ADRA1B: variants seen among roughly 807,000 people sequenced by gnomAD.
ADRA1B encodes alpha-1B adrenergic receptor.
In ADRA1B, 17 loss-of-function variants were observed where a neutral mutation model predicts 17.9. The observed-to-expected ratio is 0.95, with a 90% confidence interval of 0.65 to 1.42. The LOEUF is 1.42. ADRA1B is among the 40% of genes most tolerant of loss of function. The probability of loss-of-function intolerance (pLI) is 0.00; values close to 1 mark genes in which losing one functional copy is unlikely to be tolerated. For synonymous variants in ADRA1B, 366 were observed against 327.6 expected (o/e 1.12, Z -1.27); for missense variants, 681 against 722.1 (o/e 0.94, Z 0.65).
intron 1 of ADRA1B, among the ~76,000 whole-genome samples, chr5:159,901,439 G>C (rs1476246327): frequency 1.8e-5 from 2 of 110,814 alleles, no homozygotes; most frequent in Non-Finnish European, 3.7e-5. Flanking sequence ...AGGGGGAGGG[G>C]AGGGGGAGGG....
At chr5:159,957,468 G>A (rs1755575402) in intron 1 of ADRA1B, among the ~76,000 whole-genome samples, 1 of 147,908 alleles carries the variant, frequency 6.8e-6, no homozygotes, top group South Asian at 2.1e-4. Flanking sequence ...TCATGCAACT[G>A]CGCTCCAATC....
chr5:159,881,153 C>A (rs1033089130), intron 1 of ADRA1B, among the ~76,000 whole-genome samples: 1 of 139,924 alleles, frequency 7.1e-6, no homozygotes, highest in Non-Finnish European at 1.5e-5. Flanking sequence ...CGCAGTCCGG[C>A]CTGGGCGACA....
chr5:159,904,123 T>C (rs531436170), intron 1 of ADRA1B, among the ~76,000 whole-genome samples: 2 of 152,350 alleles, frequency 1.3e-5, no homozygotes, highest in South Asian at 2.1e-4. Flanking sequence ...TTTACCTTAA[T>C]AATTTTTAAA....
chr5:159,965,526 C>T (rs1036567905), intron 1 of ADRA1B, among the ~76,000 whole-genome samples: 5 of 152,184 alleles, frequency 3.3e-5, no homozygotes, highest in South Asian at 4.1e-4. Context: ...CCAGGGGAAA[C>T]GATCCCTGCC....
chr5:159,944,878 G>T (rs1755225886), intron 1 of ADRA1B, among the ~76,000 whole-genome samples: 1 of 152,086 alleles, frequency 6.6e-6, no homozygotes, highest in Non-Finnish European at 1.5e-5. Flanking sequence ...AAAAAAACAG[G>T]CAAAGCCACT....
chr5:159,930,878 T>G (rs1288167945), intron 1 of ADRA1B, among the ~76,000 whole-genome samples: 1 of 151,474 alleles, frequency 6.6e-6, no homozygotes, highest in Non-Finnish European at 1.5e-5. Flanking sequence ...TTCAGTAGAA[T>G]TATGGTGGGG....
intron 1 of ADRA1B, among the ~76,000 whole-genome samples, chr5:159,929,340 T>C (rs753109821): frequency 1.5e-4 from 23 of 152,170 alleles, no homozygotes; most frequent in South Asian, 1.0e-3. Flanking sequence ...CAGATCTGAT[T>C]TCTATTGGTG....
intron 1 of ADRA1B, among the ~76,000 whole-genome samples, chr5:159,922,107 G>A (rs1754500780): frequency 6.6e-6 from 1 of 152,122 alleles, no homozygotes; most frequent in Admixed American, 6.5e-5. Context: ...CCAGACACTG[G>A]GTTATCAAGC....
At chr5:159,905,161 C>T (rs1241668595) in intron 1 of ADRA1B, among the ~76,000 whole-genome samples, 6 of 152,176 alleles carry the variant, frequency 3.9e-5, no homozygotes, top group Non-Finnish European at 7.3e-5. Context: ...CTGGAAGCAA[C>T]AGGAGACCAT....
chr5:159,947,751 G>A, intron 1 of ADRA1B: 1 of 985,430 alleles, frequency 1.0e-6, no homozygotes, highest in Non-Finnish European at 1.2e-6. Context: ...GGAAAGAAAT[G>A]AATGAGCACA....
At chr5:159,981,291 C>T in the ADRA1B span, among the ~76,000 whole-genome samples, 3 of 152,092 alleles carry the variant, frequency 2.0e-5, no homozygotes, top group Non-Finnish European at 4.4e-5. Flanking sequence ...CTGACCTCTA[C>T]CTACTAGATG....
chr5:159,945,786 T>C (rs377745997), intron 1 of ADRA1B, among the ~76,000 whole-genome samples: 137 of 151,596 alleles, frequency 9.0e-4, no homozygotes, highest in Middle Eastern at 3.4e-3. Context: ...CTTGCTCTGT[T>C]GCCCAGGCTG....
intron 1 of ADRA1B, among the ~76,000 whole-genome samples, chr5:159,887,049 G>C (rs1753932801): frequency 1.3e-5 from 2 of 152,080 alleles, no homozygotes; most frequent in Admixed American, 1.3e-4. Context: ...AATTCTCATG[G>C]TCAAAGATTC....
rs569874100 is a variant in ADRA1B, at chr5:159,917,860, T to C, written c.949+6T>C. On this transcript the variant is annotated splice_donor_region_variant and intron_variant, in intron 1 of 1. Coordinates refer to ENST00000306675, the MANE Select transcript of ADRA1B (RefSeq NM_000679.4). ...CTTCATCGCTCTACCGCTTGGTAAGTTGGGGACTAGCAGCAGGGGGACTGG... is the reference window on the plus strand; with the variant it reads ...CTTCATCGCTCTACCGCTTGGTAAGCTGGGGACTAGCAGCAGGGGGACTGG... 21 of 1,589,204 alleles carry C rather than the reference T, an allele frequency of 1.3e-5. No individual in the cohort carries two copies. Among genetic ancestry groups the C allele is most frequent in the Admixed American group, 1.8e-5 (1 of 56,548 alleles).
intron 1 of ADRA1B, chr5:159,947,601 C>A (rs1581058841): frequency 1.5e-6 from 1 of 653,860 alleles, no homozygotes; most frequent in Non-Finnish European, 1.9e-6. Flanking sequence ...CTTTTACATT[C>A]TTTTTTTCAA....
At chr5:159,911,375 G>A (rs902691130) in intron 1 of ADRA1B, among the ~76,000 whole-genome samples, 4 of 152,200 alleles carry the variant, frequency 2.6e-5, no homozygotes, top group African/African-American at 9.7e-5. Flanking sequence ...TTCAGAGACA[G>A]CAGGCCTTTC....
chr5:159,909,389 T>C (rs1460333623), intron 1 of ADRA1B, among the ~76,000 whole-genome samples: 1 of 152,188 alleles, frequency 6.6e-6, no homozygotes, highest in Admixed American at 6.5e-5. Flanking sequence ...TTTGTCCAGA[T>C]ACAATTTTTG....
At chr5:159,904,891 C>G (rs1479011860) in intron 1 of ADRA1B, among the ~76,000 whole-genome samples, 1 of 152,224 alleles carries the variant, frequency 6.6e-6, no homozygotes, top group African/African-American at 2.4e-5. Flanking sequence ...TAGAATCTTC[C>G]TCCTATCATC....
chr5:159,914,643 GA>G (rs1391715481), upstream of ADRA1B, among the ~76,000 whole-genome samples: 4 of 152,118 alleles, frequency 2.6e-5, no homozygotes, highest in Non-Finnish European at 2.9e-5. Context: ...ACTTTGCTGG[GA>G]GTAAATTAAA....
Sources: gnomAD v4.1 joint callset for allele counts (sites outside exome capture counted in the v4.1 genomes callset) on GRCh38, gnomAD v4.1.1 for gene constraint, MANE v1.5 for transcripts, NCBI Gene and HGNC (gene_info 2026-07-23, HGNC 2026-07-21) for gene names.